The following CAMK1D variants were observed in gnomAD, a reference collection of about 807,000 sequenced individuals.
CAMK1D encodes calcium/calmodulin dependent protein kinase ID, also known as calcium/calmodulin-dependent protein kinase type 1D.
Under a neutral mutation model 47.7 loss-of-function variants are expected in CAMK1D, and 9 were observed. The observed-to-expected ratio is 0.19, with a 90% confidence interval of 0.11 to 0.33. The LOEUF (loss-of-function observed/expected upper bound fraction) is 0.33, where lower values mean the gene tolerates loss of function less well. Ranked by LOEUF, CAMK1D falls within the 10% of genes least tolerant of loss-of-function variation. The pLI, the probability that CAMK1D is intolerant of heterozygous loss-of-function variation, is 1.00. For synonymous variants in CAMK1D, 184 were observed against 184.9 expected, an observed-to-expected ratio of 0.99 and a Z score of 0.04; for missense variants, 291 against 488.7, an observed-to-expected ratio of 0.60 and a Z score of 3.81.
rs2132341030 is a variant in CAMK1D at position 12,582,454 on chromosome 10, T to C, written c.224+29098T>C. Among the ~76,000 whole-genome samples the C allele has an allele frequency of 1.3e-5, 2 of 152,342 alleles. 1 individual carries two copies. The highest frequency in any genetic ancestry group is 4.1e-4 in the South Asian group (2 of 4,824). ...TGGTGGTATTTTGATGGGAATTGCA[T>C]GCTTTTGGCAGTATGATCATTTTCA... On this transcript the variant is annotated intron_variant, in intron 2 of 10. Coordinates refer to ENST00000619168, the MANE Select transcript of CAMK1D (RefSeq NM_153498.4).
chr10:12,724,031 C>T (rs1834509549), intron 3 of CAMK1D, among the ~76,000 whole-genome samples: 1 of 152,174 alleles, frequency 6.6e-6, no homozygotes. Context: ...TTCTGTCGCA[C>T]AGGCTGGAGT....
chr10:12,712,193 G>A (rs962757435), intron 3 of CAMK1D, among the ~76,000 whole-genome samples: 21 of 152,182 alleles, frequency 1.4e-4, no homozygotes, highest in African/African-American at 4.1e-4. Context: ...GGGAAGCTCC[G>A]CTCTCCTTCA....
intron 1 of CAMK1D, among the ~76,000 whole-genome samples, chr10:12,355,492 G>A (rs1156952370): frequency 6.9e-6 from 1 of 145,364 alleles, no homozygotes; most frequent in Non-Finnish European, 1.5e-5. Flanking sequence ...GCGTGCGTGT[G>A]TATGTGTGTG....
chr10:12,783,717 A>T (rs985925864), intron 5 of CAMK1D, among the ~76,000 whole-genome samples: 1 of 152,166 alleles, frequency 6.6e-6, no homozygotes, highest in Non-Finnish European at 1.5e-5. Context: ...ACAAGATGAA[A>T]GGTTTCTGAA....
At position 12,788,345 on chromosome 10, in the gene CAMK1D, G is replaced by A. The variant is rs530568289; in HGVS notation, c.566-2813G>A. Among the ~76,000 whole-genome samples the A allele has an allele frequency of 2.0e-5, 3 of 152,308 alleles. No individual in the cohort carries two copies. The South Asian group carries it at 6.2e-4, about 32-fold the overall frequency. Reference sequence around the variant, plus strand: ...TTTGTCCTGAGCTCCCAGCACCTCTGTGCTGTTTGATATCTGGTTCTGTGG... The same window carrying A: ...TTTGTCCTGAGCTCCCAGCACCTCTATGCTGTTTGATATCTGGTTCTGTGG... On this transcript the variant is annotated intron_variant, in intron 5 of 10. Transcript: ENST00000619168.
At chr10:12,520,995 G>C (rs1835398967) in intron 1 of CAMK1D, among the ~76,000 whole-genome samples, 1 of 147,780 alleles carries the variant, frequency 6.8e-6, no homozygotes, top group Non-Finnish European at 1.5e-5. Flanking sequence ...TCTTAAGATT[G>C]GTAATTTGTG....
chr10:12,668,908 G>C (rs151132785), intron 3 of CAMK1D, among the ~76,000 whole-genome samples: 122 of 151,322 alleles, frequency 8.1e-4, no homozygotes, highest in Non-Finnish European at 1.4e-3. Context: ...TTTCTTTTGT[G>C]TTAAGAAAAA....
At chr10:12,712,612 A>G (rs1258191769) in intron 3 of CAMK1D, among the ~76,000 whole-genome samples, 1 of 152,110 alleles carries the variant, frequency 6.6e-6, no homozygotes, top group African/African-American at 2.4e-5. Flanking sequence ...GTCTCTTCTT[A>G]TAGGGACACT....
intron 2 of CAMK1D, among the ~76,000 whole-genome samples, chr10:12,589,412 G>A (rs184025455): frequency 6.6e-6 from 1 of 152,338 alleles, no homozygotes; most frequent in East Asian, 1.9e-4. Context: ...CCATGTGGCT[G>A]GAGGTGGTTT....
At chr10:12,359,215 G>A (rs1317470782) in intron 1 of CAMK1D, among the ~76,000 whole-genome samples, 1 of 152,184 alleles carries the variant, frequency 6.6e-6, no homozygotes, top group Non-Finnish European at 1.5e-5. Flanking sequence ...TGGACCTAAT[G>A]TGAGGCTTGT....
rs1359111617 is a variant in CAMK1D at position 12,386,810 on chromosome 10, T to C, written c.92+36900T>C. 2.0e-5 allele frequency among the ~76,000 whole-genome samples: 3 copies of C among 152,236 alleles called. 1 individual carries two copies. The East Asian group carries it at 5.8e-4, about 29-fold the overall frequency. On this transcript the variant is annotated intron_variant, in intron 1 of 10. Transcript: ENST00000619168. Reference sequence around the variant, plus strand: ...TATCCTAGATTTTCTATAATAATCATGTACTAGTTAGCAGAAAAAGAAGTT... The same window carrying C: ...TATCCTAGATTTTCTATAATAATCACGTACTAGTTAGCAGAAAAAGAAGTT...
chr10:12,787,593 C>T (rs1554825705), intron 5 of CAMK1D, among the ~76,000 whole-genome samples: 1 of 152,236 alleles, frequency 6.6e-6, no homozygotes, highest in Non-Finnish European at 1.5e-5. Context: ...TGCTCAGAGG[C>T]TGTGTAAGCA....
chr10:12,429,554 G>A (rs955767475), intron 1 of CAMK1D, among the ~76,000 whole-genome samples: 3 of 152,086 alleles, frequency 2.0e-5, no homozygotes, highest in Non-Finnish European at 4.4e-5. Context: ...TGGCCAGGCT[G>A]GTCTCGAACT....
chr10:12,810,233 C>T (rs1228171397), intron 6 of CAMK1D, among the ~76,000 whole-genome samples: 4 of 147,538 alleles, frequency 2.7e-5, no homozygotes, highest in African/African-American at 7.5e-5. Context: ...ACAGTCACTG[C>T]CTGGTGTCCC....
At chr10:12,696,035 G>A (rs560842686) in intron 3 of CAMK1D, among the ~76,000 whole-genome samples, 31 of 152,058 alleles carry the variant, frequency 2.0e-4, no homozygotes, top group African/African-American at 4.6e-4. Context: ...TTGAGATTGC[G>A]CCATTGCACT....
At chr10:12,626,802 TCTA>T (rs758841255) in intron 2 of CAMK1D, among the ~76,000 whole-genome samples, 9 of 152,124 alleles carry the variant, frequency 5.9e-5, no homozygotes, top group Non-Finnish European at 1.2e-4. Context: ...AAAATTTATT[TCTA>T]CTACTATTTC....
At chr10:12,654,223 A>G (rs963140696) in intron 2 of CAMK1D, among the ~76,000 whole-genome samples, 4 of 152,206 alleles carry the variant, frequency 2.6e-5, no homozygotes, top group African/African-American at 9.7e-5. Context: ...CATTAACAGT[A>G]TTTCATACAG....
intron 1 of CAMK1D, among the ~76,000 whole-genome samples, chr10:12,514,783 G>A (rs1181995816): frequency 2.0e-5 from 3 of 152,252 alleles, no homozygotes; most frequent in Non-Finnish European, 4.4e-5. Flanking sequence ...AATACAATGT[G>A]TGGTACATGG....
chr10:12,498,582 G>A (rs936248418), intron 1 of CAMK1D, among the ~76,000 whole-genome samples: 8 of 152,216 alleles, frequency 5.3e-5, no homozygotes, highest in Non-Finnish European at 7.3e-5. Flanking sequence ...TTCAGGAAGC[G>A]TTGAGTTAGT....
Sources: allele counts gnomAD v4.1 joint callset (sites outside exome capture counted in the v4.1 genomes callset), GRCh38; gene constraint gnomAD v4.1.1; transcripts MANE v1.5; gene names NCBI Gene and HGNC (gene_info 2026-07-23, HGNC 2026-07-21).